Variants in CFAP53 observed in about 807,000 individuals in gnomAD.
CFAP53 encodes the protein cilia- and flagella-associated protein 53.
In CFAP53, 62 loss-of-function variants were observed where a neutral mutation model predicts 59.7. That is an observed-to-expected ratio of 1.04 (90% CI 0.85 to 1.28). CFAP53 has a LOEUF of 1.28. Ranked by LOEUF, CFAP53 falls within the 50% of genes most tolerant of loss-of-function variation. The pLI, the probability that CFAP53 is intolerant of heterozygous loss-of-function variation, is 0.00. For synonymous variants in CFAP53, 218 were observed against 205.7 expected (o/e 1.06, Z -0.51); for missense variants, 629 against 615.6 (o/e 1.02, Z -0.23).
intron 1 of CFAP53, among the ~76,000 whole-genome samples, chr18:50,263,952 T>C (rs573656043): frequency 5.3e-4 from 80 of 152,304 alleles, no homozygotes; most frequent in African/African-American, 1.8e-3. Flanking sequence ...TCAAAAAAGG[T>C]GATGCCAATC....
chr18:50,262,293 C>CA, intron 1 of CFAP53, 74 bp from the exon 2 acceptor site: 1 of 1,216,896 alleles, frequency 8.2e-7, no homozygotes. Context: ...GTTATGCTCT[C>CA]AATCAATACT....
chr18:50,243,202 C>A, intron 5 of CFAP53, 86 bp from the exon 6 acceptor site: 3 of 870,370 alleles, frequency 3.4e-6, no homozygotes, highest in South Asian at 3.1e-5. Flanking sequence ...TTTAAAAGCT[C>A]CAATCCCAAT....
At chr18:50,232,760 T>C (rs529209278) in intron 7 of CFAP53, among the ~76,000 whole-genome samples, 6 of 152,382 alleles carry the variant, frequency 3.9e-5, no homozygotes, top group African/African-American at 1.4e-4. Context: ...GGGGTGCTAA[T>C]GCTCTCCCTG....
At chr18:50,238,786 T>A in intron 6 of CFAP53, 81 bp from the exon 7 acceptor site, 1 of 999,676 alleles carries the variant, frequency 1.0e-6, no homozygotes, top group Non-Finnish European at 1.5e-6. Context: ...CAGAGTCATA[T>A]TGTCTTTAGA....
chr18:50,266,494 C>T lies in CFAP53; in HGVS notation c.-90G>A, dbSNP rs1359089277. The T allele has an allele frequency of 1.5e-6, 2 of 1,346,726 alleles. No individual in the cohort carries two copies. Among genetic ancestry groups the T allele is most frequent in the East Asian group, 2.3e-5 (1 of 43,660 alleles). 83.4% of individuals were successfully genotyped at this position (1,346,726 alleles called of 1,614,324 possible). ...GGACCCGCTTCCGCGACGCAGAAGT[C>T]TGGTTGCCATGGTGCGCCTCGCGGG... On this transcript the variant is annotated 5_prime_UTR_variant, in exon 1 of 8. Transcript: ENST00000398545.
chr18:50,239,333 AAC>A (rs1463109590), intron 6 of CFAP53, among the ~76,000 whole-genome samples: 1 of 151,936 alleles, frequency 6.6e-6, no homozygotes, highest in Non-Finnish European at 1.5e-5. Flanking sequence ...CAGCCTGGGC[AAC>A]AGAGTGAGAC....
intron 3 of CFAP53, among the ~76,000 whole-genome samples, chr18:50,258,217 T>C (rs1224307202): frequency 6.6e-6 from 1 of 152,160 alleles, no homozygotes; most frequent in Non-Finnish European, 1.5e-5. Flanking sequence ...TACAGAGCTA[T>C]AGTACCTCAA....
At chr18:50,250,427 T>C (rs182782571) in intron 5 of CFAP53, among the ~76,000 whole-genome samples, 1 of 152,330 alleles carries the variant, frequency 6.6e-6, no homozygotes, top group African/African-American at 2.4e-5. Context: ...AAACTTTACA[T>C]ATCCTTTAAG....
chr18:50,258,053 C>G (rs1035717816), intron 3 of CFAP53, among the ~76,000 whole-genome samples: 3 of 151,698 alleles, frequency 2.0e-5, no homozygotes, highest in African/African-American at 7.3e-5. Flanking sequence ...GAGACCCTGT[C>G]TCAAAATAAA....
intron 5 of CFAP53, among the ~76,000 whole-genome samples, chr18:50,249,427 A>T (rs1461680265): frequency 1.3e-5 from 2 of 151,854 alleles, no homozygotes; most frequent in Non-Finnish European, 2.9e-5. Flanking sequence ...TTGAGGCTGA[A>T]GTATCAGTTG....
chr18:50,263,248 A>C (rs1346269700), intron 1 of CFAP53, among the ~76,000 whole-genome samples: 3 of 152,182 alleles, frequency 2.0e-5, no homozygotes, highest in Non-Finnish European at 1.5e-5. Context: ...CAGTTTTATC[A>C]AGTCATCCTT....
At chr18:50,261,032 G>A (rs1899671) in intron 3 of CFAP53, 32 bp downstream of exon 3, 1,074,187 of 1,577,838 alleles carry the variant, frequency 0.68, 367,741 homozygotes, top group East Asian at 0.76. Flanking sequence ...ACCAACTTTG[G>A]ATTCTGTTTG....
intron 7 of CFAP53, among the ~76,000 whole-genome samples, chr18:50,235,187 C>T (rs2033621225): frequency 1.3e-5 from 2 of 152,204 alleles, no homozygotes; most frequent in South Asian, 4.1e-4. Context: ...AAAGGAGTTC[C>T]TGAAGATTCC....
intron 3 of CFAP53, among the ~76,000 whole-genome samples, chr18:50,256,739 T>C (rs1237680388): frequency 1.3e-5 from 2 of 152,078 alleles, no homozygotes; most frequent in African/African-American, 4.8e-5. Flanking sequence ...AGCTTTTCTC[T>C]GCACCATGTC....
At chr18:50,235,721 C>A (rs966058406) in intron 7 of CFAP53, among the ~76,000 whole-genome samples, 22 of 152,280 alleles carry the variant, frequency 1.4e-4, no homozygotes, top group African/African-American at 4.6e-4. Context: ...CATGACTCTC[C>A]TTTGGATGCA....
intron 7 of CFAP53, 78 bp from the exon 8 acceptor site, chr18:50,227,687 A>T (rs2033538934): frequency 8.9e-7 from 1 of 1,126,740 alleles, no homozygotes; most frequent in East Asian, 2.4e-5. Context: ...CAATTAAAAT[A>T]TAATTTGTAA....
Position 50,261,046 on chromosome 18 carries a change from G to C in CFAP53, c.473+18C>G, listed in dbSNP as rs1343462108. 6.3e-7 allele frequency: 1 copy of C among 1,586,220 alleles called. No homozygotes were observed. The highest frequency in any genetic ancestry group is 8.5e-7 in the Non-Finnish European group (1 of 1,173,064). ...TACCAACTTTGGATTCTGTTTGTGT[G>C]TTTTCTGATTTCATTACCTGAATTG... is the stretch of plus-strand genomic sequence containing the variant. On this transcript the variant is annotated intron_variant, in intron 3 of 7. Transcript: ENST00000398545.
chr18:50,262,748 GTA>G (rs758772734), intron 1 of CFAP53, among the ~76,000 whole-genome samples: 3 of 152,050 alleles, frequency 2.0e-5, no homozygotes, highest in Non-Finnish European at 2.9e-5. Flanking sequence ...ATGTGTGTGT[GTA>G]TATATATGTG....
chr18:50,253,129 G>C (rs1044838691), intron 3 of CFAP53, among the ~76,000 whole-genome samples: 3 of 152,068 alleles, frequency 2.0e-5, no homozygotes, highest in African/African-American at 4.8e-5. Flanking sequence ...CCATTCCCCG[G>C]CCTCAGCCTC....
Sources: gnomAD v4.1 joint callset for allele counts (sites outside exome capture counted in the v4.1 genomes callset) on GRCh38, gnomAD v4.1.1 for gene constraint, MANE v1.5 for transcripts, NCBI Gene and HGNC (gene_info 2026-07-23, HGNC 2026-07-21) for gene names.